Variants in COL23A1 observed in about 807,000 individuals in gnomAD.
COL23A1 encodes the protein collagen alpha-1(XXIII) chain.
Under a neutral mutation model 99.3 loss-of-function variants are expected in COL23A1, and 97 were observed. The ratio of observed to expected loss-of-function variants is 0.98; its 90% CI spans 0.83 to 1.16. The LOEUF (loss-of-function observed/expected upper bound fraction) is 1.16, where lower values mean the gene tolerates loss of function less well. Ranked by LOEUF, COL23A1 falls within the 50% of genes most tolerant of loss-of-function variation. The probability of loss-of-function intolerance (pLI) is 0.00; values close to 1 mark genes in which losing one functional copy is unlikely to be tolerated. For synonymous variants in COL23A1, 320 were observed against 308.2 expected, an observed-to-expected ratio of 1.04 and a Z score of -0.40; for missense variants, 762 against 757.4, an observed-to-expected ratio of 1.01 and a Z score of -0.07.
chr5:178,565,343 T>G (rs768907587), intron 1 of COL23A1, among the ~76,000 whole-genome samples: 1 of 152,188 alleles, frequency 6.6e-6, no homozygotes, highest in Non-Finnish European at 1.5e-5. Flanking sequence ...GAGGCCCAGC[T>G]CCAGGGTCCA....
At chr5:178,429,425 T>C (rs760769290) in intron 2 of COL23A1, among the ~76,000 whole-genome samples, 1 of 152,226 alleles carries the variant, frequency 6.6e-6, no homozygotes, top group African/African-American at 2.4e-5. Flanking sequence ...AAACTCACCA[T>C]GCCAAAGCGA....
At chr5:178,465,090 G>C (rs191676187) in intron 2 of COL23A1, among the ~76,000 whole-genome samples, 1 of 152,220 alleles carries the variant, frequency 6.6e-6, no homozygotes. Flanking sequence ...AGCCCAGCCA[G>C]GTGGGGCCAG....
intron 2 of COL23A1, among the ~76,000 whole-genome samples, chr5:178,357,817 TG>T (rs1761776563): frequency 6.7e-6 from 1 of 149,290 alleles, no homozygotes. Flanking sequence ...TATGTGTGTA[TG>T]TGTGTTTATG....
intron 2 of COL23A1, among the ~76,000 whole-genome samples, chr5:178,331,333 T>C (rs1760008362): frequency 1.3e-5 from 2 of 152,226 alleles, no homozygotes; most frequent in Admixed American, 1.3e-4. Context: ...AGGTGGAGGC[T>C]TTGAGGCCAA....
At chr5:178,353,289 G>C (rs1359367191) in intron 2 of COL23A1, among the ~76,000 whole-genome samples, 1 of 152,134 alleles carries the variant, frequency 6.6e-6, no homozygotes, top group Non-Finnish European at 1.5e-5. Context: ...TTTTATGTCT[G>C]ATTTGAGAAA....
chr5:178,300,381 A>G (rs1757967935), intron 3 of COL23A1, among the ~76,000 whole-genome samples: 1 of 151,770 alleles, frequency 6.6e-6, no homozygotes, highest in Non-Finnish European at 1.5e-5. Context: ...TTTCAAAGAT[A>G]GTTTTGCCAG....
At chr5:178,388,009 C>T (rs1052820564) in intron 2 of COL23A1, among the ~76,000 whole-genome samples, 1 of 152,134 alleles carries the variant, frequency 6.6e-6, no homozygotes, top group South Asian at 2.1e-4. Context: ...CACCGCCCAC[C>T]GACACTGCTC....
chr5:178,364,325 CT>C (rs1485549848), intron 2 of COL23A1, among the ~76,000 whole-genome samples: 42 of 142,642 alleles, frequency 2.9e-4, no homozygotes, highest in African/African-American at 9.4e-4. Flanking sequence ...CTCCTGATAT[CT>C]GCTTGCCTCA....
intron 1 of COL23A1, chr5:178,562,240 T>A (rs1345562471): frequency 1.5e-4 from 22 of 151,682 alleles, no homozygotes; most frequent in East Asian, 1.0e-3. Context: ...AGACTCCATC[T>A]CAAAAAAAGA....
In COL23A1 at chr5:178,256,928, C is replaced by T; in HGVS notation, c.775G>A (p.Gly259Ser). ...CGAGGCCCCATGCTCCCTGGCTCGC[C>T]CTGAAACAGACACAGCTGCAGTGAG... ...PSQPGPPGPK[G>S]EPGSMGPRGE... is the part of the protein sequence containing the mutation. Residue 259 changes from glycine to serine, a missense_variant and splice_region_variant, in exon 14 of 29, where the codon GGC becomes AGC. Physicochemically the swap from Gly to Ser is moderately conservative, Grantham distance 56. Transcript: ENST00000390654. 6.2e-7 allele frequency: 1 copy of T among 1,613,396 alleles called. No individual in the cohort carries two copies. Among genetic ancestry groups the T allele is most frequent in the Non-Finnish European group, 8.5e-7 (1 of 1,179,808 alleles).
In COL23A1 at chr5:178,258,262, T is replaced by TATATATATATATAC; in HGVS notation, c.730-696_730-695insGTATATATATATAT. Among the ~76,000 whole-genome samples the TATATATATATATAC allele has an allele frequency of 5.1e-4, 53 of 104,120 alleles. 2 individuals carry two copies. The East Asian group carries it at 5.5e-3, about 11-fold the overall frequency. 68.3% of individuals were successfully genotyped at this position (104,120 alleles called of 152,430 possible). On this transcript the variant is annotated intron_variant, in intron 12 of 28. Transcript: ENST00000390654. ...ATATATATATATATATATATATATA[T>TATATATATATATAC]ACACATGCAAATCAATTCTAGGCAC...
intron 2 of COL23A1, among the ~76,000 whole-genome samples, chr5:178,369,120 T>C (rs2973713): frequency 0.46 from 70,408 of 152,082 alleles, 18,477 homozygotes; most frequent in East Asian, 0.81. Flanking sequence ...AGCTATTCAG[T>C]GCGGGTCAGG....
intron 2 of COL23A1, among the ~76,000 whole-genome samples, chr5:178,429,413 T>A (rs1464478644): frequency 6.6e-6 from 1 of 152,176 alleles, no homozygotes; most frequent in Non-Finnish European, 1.5e-5. Flanking sequence ...TGCCAGGACC[T>A]CAAACTCACC....
At chr5:178,250,017 A>G (rs542631880) in intron 18 of COL23A1, 44 bp downstream of exon 18, 1 of 1,608,518 alleles carries the variant, frequency 6.2e-7, no homozygotes. Context: ...ACAGAGCCCA[A>G]TACCAGGCAC....
At chr5:178,329,907 A>G (rs901355506) in intron 2 of COL23A1, among the ~76,000 whole-genome samples, 2 of 150,862 alleles carry the variant, frequency 1.3e-5, no homozygotes, top group African/African-American at 4.9e-5. Flanking sequence ...ACTGCACTCC[A>G]GCGTGGATGA....
intron 5 of COL23A1, among the ~76,000 whole-genome samples, chr5:178,275,295 C>G (rs993688398): frequency 6.6e-6 from 1 of 152,226 alleles, no homozygotes; most frequent in Non-Finnish European, 1.5e-5. Context: ...TTGCCCTGGC[C>G]CTGGGGGACA....
chr5:178,560,607 C>T, intron 2 of COL23A1, 75 bp downstream of exon 2: 2 of 1,377,672 alleles, frequency 1.5e-6, no homozygotes, highest in South Asian at 1.3e-5. Context: ...ACCTTCCGGA[C>T]CATGCTGTTC....
intron 2 of COL23A1, among the ~76,000 whole-genome samples, chr5:178,327,388 G>A (rs1759747462): frequency 6.6e-6 from 1 of 152,160 alleles, no homozygotes; most frequent in Non-Finnish European, 1.5e-5. Context: ...AGGGGCTACG[G>A]AAAACACCTA....
chr5:178,377,407 C>A (rs1046370757), intron 2 of COL23A1, among the ~76,000 whole-genome samples: 2 of 152,234 alleles, frequency 1.3e-5, no homozygotes, highest in African/African-American at 2.4e-5. Flanking sequence ...GCCGGGGCCA[C>A]CCCACTGCTT....
Sources: gnomAD v4.1 joint callset for allele counts (sites outside exome capture counted in the v4.1 genomes callset) on GRCh38, gnomAD v4.1.1 for gene constraint, MANE v1.5 for transcripts, NCBI Gene and HGNC (gene_info 2026-07-23, HGNC 2026-07-21) for gene names.